The following CELF2 variants were observed in gnomAD, a reference collection of about 807,000 sequenced individuals.
CELF2 encodes CUGBP Elav-like family member 2, also known as CUG triplet repeat RNA-binding protein 2.
Under a neutral mutation model 62.6 loss-of-function variants are expected in CELF2, and 8 were observed. The observed-to-expected ratio is 0.13, with a 90% CI of 0.07 to 0.23. The LOEUF (loss-of-function observed/expected upper bound fraction) is 0.23, where lower values mean the gene tolerates loss of function less well. CELF2 is among the 10% of genes least tolerant of loss of function. The pLI is 1.00. For synonymous variants in CELF2, 258 were observed against 250.0 expected (o/e 1.03, Z -0.30); for missense variants, 333 against 671.0 (o/e 0.50, Z 5.56).
intron 1 of CELF2, among the ~76,000 whole-genome samples, chr10:11,119,103 C>A (rs1049785173): frequency 5.9e-5 from 9 of 152,186 alleles, no homozygotes; most frequent in African/African-American, 2.2e-4. Context: ...TGAGTCTTCA[C>A]CAAGAAGATG....
chr10:11,287,583 G>A (rs2091655492), intron 8 of CELF2, among the ~76,000 whole-genome samples: 1 of 151,976 alleles, frequency 6.6e-6, no homozygotes, highest in Non-Finnish European at 1.5e-5. Context: ...CGCTTTAAAA[G>A]GTAAATACAA....
the CELF2 span, among the ~76,000 whole-genome samples, chr10:10,478,764 T>C: frequency 1.3e-5 from 2 of 152,204 alleles, no homozygotes; most frequent in Non-Finnish European, 2.9e-5. Flanking sequence ...CAGACACTTT[T>C]GGAAGCAGAC....
intron 8 of CELF2, among the ~76,000 whole-genome samples, chr10:11,277,136 T>C (rs893839072): frequency 9.9e-5 from 15 of 152,232 alleles, no homozygotes; most frequent in African/African-American, 3.6e-4. Context: ...CTTGCATTTA[T>C]AGGGATCGTC....
At chr10:11,052,473 C>T (rs2140107730) in intron 1 of CELF2, among the ~76,000 whole-genome samples, 2 of 152,232 alleles carry the variant, frequency 1.3e-5, no homozygotes, top group East Asian at 3.9e-4. Context: ...ATGCTTGTTT[C>T]CTTAGATGAT....
In CELF2 at chr10:11,184,909, A is replaced by G. The variant is rs77676150; in HGVS notation, c.271+19227A>G. On this transcript the variant is annotated intron_variant, in intron 2 of 12. Coordinates refer to ENST00000633077, the MANE Select transcript of CELF2 (RefSeq NM_001326342.2). Reference sequence around the variant, plus strand: ...GCTTGCACTGGCCAAAACGTCCACTATGGAGGTGAATAGAAATAGTGAGAG... The same window carrying G: ...GCTTGCACTGGCCAAAACGTCCACTGTGGAGGTGAATAGAAATAGTGAGAG... Among the ~76,000 whole-genome samples the G allele has an allele frequency of 9.7e-3, 1,470 of 151,964 alleles. 17 individuals carry two copies. Among genetic ancestry groups the G allele is most frequent in the African/African-American group, 0.034 (1,399 of 41,238 alleles).
chr10:10,888,151 G>A (rs1487756094), intron 1 of CELF2, among the ~76,000 whole-genome samples: 2 of 152,202 alleles, frequency 1.3e-5, no homozygotes, highest in African/African-American at 2.4e-5. Flanking sequence ...AAGATTTATG[G>A]ATGACATAGC....
rs1488896450 is a variant in CELF2, at chr10:11,334,274, ACAGT to A, written c.*5224_*5227del. 4 of 152,644 alleles carry A rather than the reference ACAGT, an allele frequency of 2.6e-5. No individual in the cohort carries two copies. The East Asian group carries it at 7.7e-4, about 29-fold the overall frequency. 9.5% of individuals were successfully genotyped at this position (152,644 alleles called of 1,614,324 possible). Reference sequence around the variant, plus strand: ...TTGTGAACATAACCGTGTAGTTGAAACAGTCAAACTTATTTTTGTAATGTATGTT... The same window carrying A: ...TTGTGAACATAACCGTGTAGTTGAAACAAACTTATTTTTGTAATGTATGTT... On this transcript the variant is annotated 3_prime_UTR_variant, in exon 13 of 13. Transcript: ENST00000633077.
intron 1 of CELF2, among the ~76,000 whole-genome samples, chr10:10,919,623 A>G (rs1162155432): frequency 6.6e-6 from 1 of 152,188 alleles, no homozygotes; most frequent in Non-Finnish European, 1.5e-5. Context: ...TTAACATGTA[A>G]ATGTCTACAA....
chr10:11,129,267 G>A (rs1235804977), intron 1 of CELF2, among the ~76,000 whole-genome samples: 2 of 152,162 alleles, frequency 1.3e-5, no homozygotes, highest in Non-Finnish European at 2.9e-5. Context: ...ATGTGCTGCT[G>A]GATTCGGTTT....
the CELF2 span, among the ~76,000 whole-genome samples, chr10:10,734,542 C>A: frequency 6.6e-6 from 1 of 152,140 alleles, no homozygotes; most frequent in African/African-American, 2.4e-5. Flanking sequence ...TCCTCTGTAA[C>A]CCAGGACGGC....
At chr10:11,000,166 T>G (rs1459727775) in intron 2 of CELF2, among the ~76,000 whole-genome samples, 2 of 152,170 alleles carry the variant, frequency 1.3e-5, no homozygotes, top group African/African-American at 4.8e-5. Flanking sequence ...TGATTGTTTG[T>G]TTGTTTGTTT....
rs529302421 is a variant in CELF2 at position 11,062,147 on chromosome 10, A to AG, written c.74+43991dup. ...TGCCTACGGTTGAGACCTACTGCTC[A>AG]GGGGGGGAAAAAAAAATTCCTTTCC... is the stretch of plus-strand genomic sequence containing the variant. On this transcript the variant is annotated intron_variant, in intron 1 of 12. Transcript: ENST00000633077. Among the ~76,000 whole-genome samples the AG allele has an allele frequency of 1.0e-3, 154 of 150,172 alleles. 2 individuals are homozygous for AG. The highest frequency in any genetic ancestry group is 1.6e-3 in the Non-Finnish European group (105 of 67,062).
At chr10:10,916,300 G>A (rs771121374) in intron 1 of CELF2, among the ~76,000 whole-genome samples, 2 of 152,130 alleles carry the variant, frequency 1.3e-5, no homozygotes, top group African/African-American at 4.8e-5. Flanking sequence ...AATACAGTGG[G>A]GTGTTTTTGT....
At chr10:10,689,739 A>G in the CELF2 span, among the ~76,000 whole-genome samples, 8 of 152,334 alleles carry the variant, frequency 5.3e-5, no homozygotes, top group African/African-American at 1.9e-4. Context: ...ACCTCCTCAA[A>G]CAAAGCCCTC....
chr10:10,914,350 G>A (rs2064126853), intron 1 of CELF2, among the ~76,000 whole-genome samples: 1 of 152,162 alleles, frequency 6.6e-6, no homozygotes, highest in African/African-American at 2.4e-5. Context: ...AAAAAGAACT[G>A]CTCGCATAGT....
At chr10:10,987,768 A>G (rs913669137) in intron 2 of CELF2, among the ~76,000 whole-genome samples, 3 of 152,074 alleles carry the variant, frequency 2.0e-5, no homozygotes, top group Non-Finnish European at 2.9e-5. Context: ...AATCAGCAAG[A>G]AAAAAAATAA....
the CELF2 span, among the ~76,000 whole-genome samples, chr10:10,469,486 G>C: frequency 6.6e-6 from 1 of 151,836 alleles, no homozygotes; most frequent in Non-Finnish European, 1.5e-5. Flanking sequence ...TTCTATGCCT[G>C]GTTTGCTGAG....
the CELF2 span, chr10:10,792,369 T>C: frequency 2.5e-6 from 1 of 398,388 alleles, no homozygotes. Context: ...ATGGAAGGCC[T>C]ACCTTTTTCT....
intron 1 of CELF2, among the ~76,000 whole-genome samples, chr10:11,132,387 G>T (rs1019782080): frequency 1.6e-4 from 25 of 152,128 alleles, no homozygotes; most frequent in African/African-American, 5.6e-4. Context: ...TAAGAGAGTA[G>T]AATATCAAGG....
Sources: allele counts gnomAD v4.1 joint callset (sites outside exome capture counted in the v4.1 genomes callset), GRCh38; gene constraint gnomAD v4.1.1; transcripts MANE v1.5; gene names NCBI Gene and HGNC (gene_info 2026-07-23, HGNC 2026-07-21).